NDUFS1: variants seen among roughly 807,000 people sequenced by gnomAD.
NDUFS1 encodes the protein NADH:ubiquinone oxidoreductase core subunit S1.
Under a neutral mutation model 84.4 loss-of-function variants are expected in NDUFS1, and 61 were observed. The ratio of observed to expected loss-of-function variants is 0.72; its 90% CI spans 0.59 to 0.89. The LOEUF is 0.89. Among genes scored for constraint, NDUFS1 ranks in the 40% least tolerant of loss-of-function variants. The pLI, the probability that NDUFS1 is intolerant of heterozygous loss-of-function variation, is 0.00. For synonymous variants in NDUFS1, 275 were observed against 290.0 expected, an observed-to-expected ratio of 0.95 and a Z score of 0.53; for missense variants, 891 against 890.0, an observed-to-expected ratio of 1.00 and a Z score of -0.01.
At chr2:206,154,239 C>G (rs985220073) in intron 1 of NDUFS1, among the ~76,000 whole-genome samples, 3 of 152,208 alleles carry the variant, frequency 2.0e-5, no homozygotes, top group African/African-American at 7.2e-5. Flanking sequence ...CCCGTTCTGC[C>G]CTCACTGCAT....
At chr2:206,151,907 C>T (rs1240073304) in intron 3 of NDUFS1, among the ~76,000 whole-genome samples, 1 of 152,050 alleles carries the variant, frequency 6.6e-6, no homozygotes, top group Non-Finnish European at 1.5e-5. Context: ...GCTCTGTTGC[C>T]CAGGCTGGAG....
rs1691107436 is a variant in NDUFS1 at position 206,121,916 on chromosome 2, T to C, written c.*2269A>G. On this transcript the variant is annotated 3_prime_UTR_variant, in exon 19 of 19. Transcript: ENST00000233190. The stretch of plus-strand genomic sequence containing the variant: ...CTACACATATTCATTAACAGTATTA[T>C]ATAAAATACAAAATTGGGACTATGT... The C allele has an allele frequency of 6.6e-6, 1 of 152,192 alleles. No individual in the cohort carries two copies. The highest frequency in any genetic ancestry group is 1.5e-5 in the Non-Finnish European group (1 of 68,042). 9.4% of individuals were successfully genotyped at this position (152,192 alleles called of 1,614,324 possible).
At chr2:206,128,023 T>C in intron 15 of NDUFS1, 51 bp from the exon 16 acceptor site, 3 of 1,570,620 alleles carry the variant, frequency 1.9e-6, no homozygotes, top group South Asian at 1.1e-5. Flanking sequence ...AAACTGATTT[T>C]CTACTGTACA....
Position 206,149,923 on chromosome 2 carries a change from A to G in NDUFS1, c.156T>C (p.Ala52=). 7.5e-7 allele frequency: 1 copy of G among 1,338,772 alleles called. No homozygotes were observed. Among genetic ancestry groups the G allele is most frequent in the South Asian group, 1.2e-5 (1 of 83,806 alleles). 82.9% of individuals were successfully genotyped at this position (1,338,772 alleles called of 1,614,324 possible). ...GGATCTGCATGCCAACCTTCTCACA[A>G]GCCTAGAAGTAAAAAAAAAAAAAAA... The part of the protein sequence containing the change: ...MVEPGTTVLQ[A]CEKVGMQIPR... Residue 52 remains alanine, a splice_region_variant and synonymous_variant, in exon 4 of 19, where the codon GCT becomes GCC. Coordinates refer to ENST00000233190, the MANE Select transcript of NDUFS1 (RefSeq NM_005006.7).
intron 1 of NDUFS1, among the ~76,000 whole-genome samples, chr2:206,158,481 T>A (rs1687766513): frequency 6.6e-6 from 1 of 152,216 alleles, no homozygotes; most frequent in Admixed American, 6.5e-5. Context: ...ACGGACTCAT[T>A]TCTGGCTCGT....
chr2:206,152,696 TC>T (rs1692419464), intron 2 of NDUFS1, among the ~76,000 whole-genome samples, 186 bp from the exon 3 acceptor site: 2 of 145,356 alleles, frequency 1.4e-5, no homozygotes, highest in African/African-American at 2.6e-5. Flanking sequence ...GAAACTTCTT[TC>T]TTCTTCTTTT....
chr2:206,149,110 G>GAAA lies in NDUFS1; in HGVS notation c.262-17_262-15dup. On this transcript the variant is annotated splice_polypyrimidine_tract_variant and intron_variant, in intron 4 of 18. Coordinates refer to ENST00000233190, the MANE Select transcript of NDUFS1 (RefSeq NM_005006.7). Reference sequence around the variant, plus strand: ...AGCAGCTACAACCTGGGATTTCAATGAAAAAAAAAAATGTGTATTTGTATT... The same window carrying GAAA: ...AGCAGCTACAACCTGGGATTTCAATGAAAAAAAAAAAAAATGTGTATTTGTATT... 1 of 1,312,814 alleles carries GAAA rather than the reference G, an allele frequency of 7.6e-7. No homozygotes were observed. Among genetic ancestry groups the GAAA allele is most frequent in the Non-Finnish European group, 1.0e-6 (1 of 971,204 alleles). The allele number at this position is 1,312,814 out of a possible 1,614,324, so 81.3% of individuals were successfully genotyped here. A position where few individuals can be genotyped will look rare whatever the true frequency, so the allele number is the denominator to read the frequency against.
chr2:206,119,515 T>C lies in NDUFS1; in HGVS notation c.*4670A>G, dbSNP rs1384383199. Reference sequence around the variant, plus strand: ...ACCTCCGTCTCCTGGGTTTAAGTGATTCTCCTGCCTCAGCCTCCTGAGTGA... The same window carrying C: ...ACCTCCGTCTCCTGGGTTTAAGTGACTCTCCTGCCTCAGCCTCCTGAGTGA... On this transcript the variant is annotated 3_prime_UTR_variant, in exon 19 of 19. Coordinates refer to ENST00000233190, the MANE Select transcript of NDUFS1 (RefSeq NM_005006.7). 6.6e-6 allele frequency: 1 copy of C among 152,166 alleles called. No individual in the cohort carries two copies. The highest frequency in any genetic ancestry group is 1.5e-5 in the Non-Finnish European group (1 of 68,046). 9.4% of individuals were successfully genotyped at this position (152,166 alleles called of 1,614,324 possible).
At chr2:206,137,450 C>CAA (rs1304648430) in intron 13 of NDUFS1, among the ~76,000 whole-genome samples, 2 of 150,346 alleles carry the variant, frequency 1.3e-5, no homozygotes, top group Non-Finnish European at 2.9e-5. Flanking sequence ...GCCTGGGTGA[C>CAA]AGAGCGAGAC....
In NDUFS1 at chr2:206,133,017, G is replaced by A. The variant is rs767064001; in HGVS notation, c.1481C>T (p.Ser494Phe). The change falls in exon 14 of 19, where the codon TCT becomes TTT. Residue 494 changes from serine to phenylalanine, a missense_variant. Ser to Phe is a radical substitution (Grantham distance 155). Transcript: ENST00000233190. ...CATCCGAATCTTTTGTGCAATGCTA[G>A]AAACAGCTGCAAGAATTGCTGCTCC... The part of the protein sequence containing the change: ...NDGAAILAAV[S>F]SIAQKIRMTS... 3 of 1,613,620 alleles carry A rather than the reference G, an allele frequency of 1.9e-6. No individual in the cohort carries two copies. In the East Asian group the frequency reaches 6.7e-5, roughly 36 times the overall value.
At position 206,124,052 on chromosome 2, in the gene NDUFS1, T is replaced by A. The variant is rs1184125354; in HGVS notation, c.*133A>T. ...AACTAATATCATTTTCAAATAGGCATAGTATAACCTTAAATATTACATGAT... is the reference window on the plus strand; with the variant it reads ...AACTAATATCATTTTCAAATAGGCAAAGTATAACCTTAAATATTACATGAT... On this transcript the variant is annotated 3_prime_UTR_variant, in exon 19 of 19. Coordinates refer to ENST00000233190, the MANE Select transcript of NDUFS1 (RefSeq NM_005006.7). The A allele has an allele frequency of 1.0e-5, 7 of 674,456 alleles. No individual in the cohort carries two copies. Among genetic ancestry groups the A allele is most frequent in the Admixed American group, 2.7e-5 (1 of 37,170 alleles). 41.8% of individuals were successfully genotyped at this position (674,456 alleles called of 1,614,324 possible). A position where few individuals can be genotyped will look rare whatever the true frequency, so the allele number is the denominator to read the frequency against.
chr2:206,130,341 A>T, intron 14 of NDUFS1, 99 bp from the exon 15 acceptor site: 1 of 1,414,176 alleles, frequency 7.1e-7, no homozygotes, highest in Non-Finnish European at 9.7e-7. Flanking sequence ...AATGTCAAAA[A>T]ACCCATTTTA....
chr2:206,139,311 G>A (rs1559052623), intron 12 of NDUFS1, among the ~76,000 whole-genome samples: 1 of 151,754 alleles, frequency 6.6e-6, no homozygotes, highest in African/African-American at 2.4e-5. Context: ...TCACCCTCCG[G>A]AGTAGCTGGG....
intron 2 of NDUFS1, 115 bp downstream of exon 2, chr2:206,153,501 CTA>C: frequency 3.0e-6 from 2 of 666,154 alleles, no homozygotes; most frequent in South Asian, 1.7e-5. Context: ...CGGCCGGTTT[CTA>C]TTTTTATTTT....
rs772817832 is a variant in NDUFS1, at chr2:206,147,559, T to C, written c.523A>G (p.Arg175Gly). Residue 175 changes from arginine (R) to glycine (G), a missense_variant, in exon 7 of 19, where the codon AGA becomes GGA. Coordinates refer to ENST00000233190, the MANE Select transcript of NDUFS1 (RefSeq NM_005006.7). Reference sequence around the variant, plus strand: ...ATGCAGCGAGTACACTGTATACATCTTGTCATGATGGTCTTTACCAATGGC... The same window carrying C: ...ATGCAGCGAGTACACTGTATACATCCTGTCATGATGGTCTTTACCAATGGC... ...IGPLVKTIMTRCIQCTRCIRF... is the reference protein window; with the variant it reads ...IGPLVKTIMTGCIQCTRCIRF... 1.9e-6 allele frequency: 3 copies of C among 1,614,164 alleles called. No homozygotes were observed. The South Asian group carries it at 3.3e-5, about 18-fold the overall frequency.
chr2:206,139,055 G>A (rs1691832048), intron 12 of NDUFS1, among the ~76,000 whole-genome samples: 4 of 151,500 alleles, frequency 2.6e-5, no homozygotes, highest in Admixed American at 2.6e-4. Flanking sequence ...GGTAGAGGTT[G>A]CAGCGAGCTG....
intron 1 of NDUFS1, among the ~76,000 whole-genome samples, chr2:206,157,990 G>A: frequency 7.5e-6 from 1 of 133,306 alleles, no homozygotes; most frequent in East Asian, 2.1e-4. Flanking sequence ...TTGAGACAGA[G>A]TCTCGCTCTG....
At chr2:206,133,949 C>T (rs1394492043) in intron 13 of NDUFS1, among the ~76,000 whole-genome samples, 1 of 152,138 alleles carries the variant, frequency 6.6e-6, no homozygotes. Flanking sequence ...CACTGCACTC[C>T]GTCTGGGCAA....
At chr2:206,153,717 G>GAA in intron 1 of NDUFS1, 35 bp from the exon 2 acceptor site, 5 of 1,166,622 alleles carry the variant, frequency 4.3e-6, no homozygotes, top group Non-Finnish European at 6.3e-6. Context: ...TTATTGTAGG[G>GAA]AAAAAAACAA....
Sources: allele counts gnomAD v4.1 joint callset (sites outside exome capture counted in the v4.1 genomes callset), GRCh38; gene constraint gnomAD v4.1.1; transcripts MANE v1.5; gene names NCBI Gene and HGNC (gene_info 2026-07-23, HGNC 2026-07-21).